Variants in SPATA17 observed in about 807,000 individuals in gnomAD.
The protein encoded by SPATA17 is spermatogenesis-associated protein 17.
A neutral mutation model predicts 62.2 loss-of-function variants in SPATA17; 53 were observed. That is an observed-to-expected ratio of 0.85 (90% CI 0.68 to 1.07). The LOEUF (loss-of-function observed/expected upper bound fraction) is 1.07, where lower values mean the gene tolerates loss of function less well. Among genes scored for constraint, SPATA17 ranks in the 50% least tolerant of loss-of-function variants. The pLI, the probability that SPATA17 is intolerant of heterozygous loss-of-function variation, is 0.00. For synonymous variants in SPATA17, 146 were observed against 146.8 expected, an observed-to-expected ratio of 0.99 and a Z score of 0.04; for missense variants, 466 against 425.5, an observed-to-expected ratio of 1.10 and a Z score of -0.84.
chr1:217,796,039 C>T (rs1485193665), intron 8 of SPATA17, among the ~76,000 whole-genome samples: 1 of 152,078 alleles, frequency 6.6e-6, no homozygotes, highest in Non-Finnish European at 1.5e-5. Flanking sequence ...CTCAAGTGAT[C>T]CACACACCTT....
chr1:217,726,986 G>A (rs1046579159), intron 5 of SPATA17, among the ~76,000 whole-genome samples: 11 of 151,872 alleles, frequency 7.2e-5, no homozygotes, highest in East Asian at 1.9e-4. Flanking sequence ...GGTGGCTTAC[G>A]CCTGTAATCC....
chr1:217,708,308 C>T (rs540492875), intron 5 of SPATA17, among the ~76,000 whole-genome samples: 4 of 152,070 alleles, frequency 2.6e-5, no homozygotes, highest in African/African-American at 9.6e-5. Flanking sequence ...ACTAGCTAGA[C>T]TAATAACGAG....
At chr1:217,678,083 A>G (rs1287410208) in intron 4 of SPATA17, among the ~76,000 whole-genome samples, 4 of 152,252 alleles carry the variant, frequency 2.6e-5, no homozygotes, top group African/African-American at 4.8e-5. Context: ...TCATTCTAAT[A>G]AAAGTATAAT....
At position 217,870,697 on chromosome 1, in the gene SPATA17, T is replaced by C. The variant is rs1373884250; in HGVS notation, c.*3678T>C. The stretch of plus-strand genomic sequence containing the variant: ...ACTAAAAACACTAAGAGTACCACTG[T>C]GGATGTTTAAAAACATACACCCTAA... On this transcript the variant is annotated 3_prime_UTR_variant, in exon 11 of 11. Coordinates refer to ENST00000366933, the MANE Select transcript of SPATA17 (RefSeq NM_138796.4). 1 of 152,192 alleles carries C rather than the reference T, an allele frequency of 6.6e-6. No homozygotes were observed. The highest frequency in any genetic ancestry group is 1.5e-5 in the Non-Finnish European group (1 of 68,036). 9.4% of individuals were successfully genotyped at this position (152,192 alleles called of 1,614,324 possible). A position where few individuals can be genotyped will look rare whatever the true frequency, so the allele number is the denominator to read the frequency against.
chr1:217,678,239 T>C (rs114246125), intron 4 of SPATA17, among the ~76,000 whole-genome samples: 6,936 of 147,548 alleles, frequency 0.047, 237 homozygotes, highest in Middle Eastern at 0.11. Flanking sequence ...GATGGAGATT[T>C]GCTCTGTTAC....
intron 5 of SPATA17, among the ~76,000 whole-genome samples, chr1:217,741,498 A>T (rs1177943438): frequency 2.0e-5 from 3 of 152,174 alleles, no homozygotes; most frequent in Non-Finnish European, 4.4e-5. Context: ...ACTGAAGTAA[A>T]CCTACAATAA....
chr1:217,649,004 TATC>T, intron 2 of SPATA17, 33 bp downstream of exon 2: 1 of 1,416,406 alleles, frequency 7.1e-7, no homozygotes, highest in African/African-American at 1.4e-5. Context: ...ACCTCAGATA[TATC>T]ATAAAAATAT....
rs367950221 is a variant in SPATA17, at chr1:217,664,483, CG to C, written c.241-4546del. Among the ~76,000 whole-genome samples, 45 of 151,826 alleles carry C rather than the reference CG, an allele frequency of 3.0e-4. 1 individual carries two copies. In the East Asian group the frequency reaches 8.6e-3, roughly 29 times the overall value. ...TTGTTTTTTGTATTTTTAGTAGAGA[CG>C]GGGTTTCACCGTGTTGGCCAGGCTG... On this transcript the variant is annotated intron_variant, in intron 3 of 10. Transcript: ENST00000366933.
At chr1:217,682,701 A>T (rs933985000) in intron 4 of SPATA17, among the ~76,000 whole-genome samples, 1 of 152,190 alleles carries the variant, frequency 6.6e-6, no homozygotes, top group Admixed American at 6.5e-5. Flanking sequence ...AAATAAATGT[A>T]AGCAAGAACC....
chr1:217,782,439 C>A, intron 8 of SPATA17, 117 bp downstream of exon 8: 1 of 1,133,094 alleles, frequency 8.8e-7, no homozygotes, highest in Non-Finnish European at 1.2e-6. Context: ...GTAAAGCCAC[C>A]CCTGACCTGT....
chr1:217,747,700 A>G (rs1421959635), intron 6 of SPATA17, among the ~76,000 whole-genome samples: 1 of 152,172 alleles, frequency 6.6e-6, no homozygotes, highest in African/African-American at 2.4e-5. Context: ...ACATATTGAA[A>G]TTAAAGCTAA....
chr1:217,633,589 T>C (rs1430650631), intron 1 of SPATA17, among the ~76,000 whole-genome samples: 4 of 152,174 alleles, frequency 2.6e-5, no homozygotes, highest in East Asian at 3.9e-4. Context: ...CGCTGTTCAC[T>C]GTCACTAAAC....
chr1:217,701,489 G>A (rs1249580240), intron 5 of SPATA17, among the ~76,000 whole-genome samples: 5 of 151,730 alleles, frequency 3.3e-5, no homozygotes, highest in African/African-American at 1.2e-4. Context: ...AGGTTCAAGC[G>A]ATTCTCCTGC....
intron 8 of SPATA17, among the ~76,000 whole-genome samples, chr1:217,783,667 C>T (rs373050346): frequency 6.6e-6 from 1 of 152,062 alleles, no homozygotes; most frequent in African/African-American, 2.4e-5. Flanking sequence ...CAAAGGTTTA[C>T]AAAATAGCAT....
At chr1:217,751,496 G>T (rs1333428255) in intron 6 of SPATA17, among the ~76,000 whole-genome samples, 6 of 152,110 alleles carry the variant, frequency 3.9e-5, no homozygotes, top group Admixed American at 3.9e-4. Flanking sequence ...TGTTACTATT[G>T]GCAGTCTCTG....
intron 5 of SPATA17, among the ~76,000 whole-genome samples, chr1:217,728,559 G>A (rs899565807): frequency 6.6e-6 from 1 of 151,838 alleles, no homozygotes; most frequent in Admixed American, 6.6e-5. Flanking sequence ...TCATTTGTTT[G>A]CTTTTTGAAA....
chr1:217,861,771 G>A (rs927040496), intron 9 of SPATA17, among the ~76,000 whole-genome samples: 2 of 151,540 alleles, frequency 1.3e-5, no homozygotes, highest in Non-Finnish European at 2.9e-5. Context: ...AATTCTCTTT[G>A]CACTCAAAAG....
intron 9 of SPATA17, among the ~76,000 whole-genome samples, chr1:217,855,500 C>A (rs902924916): frequency 6.6e-6 from 1 of 152,100 alleles, no homozygotes; most frequent in African/African-American, 2.4e-5. Flanking sequence ...CCTTTCTATA[C>A]CTACATCTGT....
At chr1:217,672,770 T>C (rs1247355940) in intron 4 of SPATA17, among the ~76,000 whole-genome samples, 1 of 152,150 alleles carries the variant, frequency 6.6e-6, no homozygotes, top group Non-Finnish European at 1.5e-5. Context: ...ATTTATCACT[T>C]TCCTTTTTTA....
Sources: gnomAD v4.1 joint callset for allele counts (sites outside exome capture counted in the v4.1 genomes callset) on GRCh38, gnomAD v4.1.1 for gene constraint, MANE v1.5 for transcripts, NCBI Gene and HGNC (gene_info 2026-07-23, HGNC 2026-07-21) for gene names.